Variants in MAF observed in about 807,000 individuals in gnomAD.
MAF encodes the protein transcription factor Maf.
In MAF, 10 loss-of-function variants were observed where a neutral mutation model predicts 22.0. The ratio of observed to expected loss-of-function variants is 0.45; its 90% confidence interval spans 0.28 to 0.77. MAF has a LOEUF of 0.77. Among genes scored for constraint, MAF ranks in the 30% least tolerant of loss-of-function variants. MAF has a pLI of 0.12. For synonymous variants in MAF, 337 were observed against 255.8 expected, an observed-to-expected ratio of 1.32 and a Z score of -3.03; for missense variants, 544 against 548.4, an observed-to-expected ratio of 0.99 and a Z score of 0.08.
the MAF span, among the ~76,000 whole-genome samples, chr16:79,227,101 G>C: frequency 6.6e-6 from 1 of 152,074 alleles, no homozygotes. Flanking sequence ...CCTTTGGCAG[G>C]CTAAGGCAGC....
At chr16:79,432,254 C>T in the MAF span, among the ~76,000 whole-genome samples, 1 of 152,126 alleles carries the variant, frequency 6.6e-6, no homozygotes, top group African/African-American at 2.4e-5. Flanking sequence ...TACCTTCTGC[C>T]ATGATTGTAA....
chr16:79,215,490 C>T, the MAF span, among the ~76,000 whole-genome samples: 1 of 152,146 alleles, frequency 6.6e-6, no homozygotes, highest in Non-Finnish European at 1.5e-5. Context: ...TATCATCAGC[C>T]AAGGTGCTGT....
At chr16:79,399,066 A>G in the MAF span, among the ~76,000 whole-genome samples, 1 of 152,196 alleles carries the variant, frequency 6.6e-6, no homozygotes, top group Non-Finnish European at 1.5e-5. Context: ...CAGTAGACAG[A>G]CAAGGACTGA....
chr16:79,312,457 G>T, the MAF span, among the ~76,000 whole-genome samples: 1 of 152,300 alleles, frequency 6.6e-6, no homozygotes, highest in African/African-American at 2.4e-5. Context: ...GTCTGGCTCA[G>T]TGCGAACGTC....
At chr16:79,386,629 T>C in the MAF span, among the ~76,000 whole-genome samples, 1 of 152,114 alleles carries the variant, frequency 6.6e-6, no homozygotes, top group African/African-American at 2.4e-5. Context: ...TATACACATA[T>C]ATCATTTATA....
the MAF span, among the ~76,000 whole-genome samples, chr16:79,523,304 G>C: frequency 6.6e-6 from 1 of 152,210 alleles, no homozygotes; most frequent in African/African-American, 2.4e-5. Flanking sequence ...AGGGTGAACA[G>C]AATGGATTCT....
chr16:79,372,291 G>A, the MAF span, among the ~76,000 whole-genome samples: 1 of 152,040 alleles, frequency 6.6e-6, no homozygotes, highest in Non-Finnish European at 1.5e-5. Flanking sequence ...CTTAAGAGCT[G>A]TAGGAACAAA....
chr16:79,263,752 A>T, the MAF span, among the ~76,000 whole-genome samples: 1 of 152,192 alleles, frequency 6.6e-6, no homozygotes, highest in South Asian at 2.1e-4. Context: ...ATGAGAGTTC[A>T]TTGCCAGTCA....
the MAF span, among the ~76,000 whole-genome samples, chr16:79,255,027 C>A: frequency 6.6e-6 from 1 of 152,182 alleles, no homozygotes; most frequent in Non-Finnish European, 1.5e-5. Flanking sequence ...AGCAAGCAAT[C>A]ACTCTGGATC....
the MAF span, among the ~76,000 whole-genome samples, chr16:79,472,882 T>C: frequency 6.6e-6 from 1 of 151,960 alleles, no homozygotes; most frequent in Non-Finnish European, 1.5e-5. Context: ...CATGAGTTCC[T>C]GTCCTGGAGA....
At chr16:79,391,343 G>T in the MAF span, among the ~76,000 whole-genome samples, 16 of 152,058 alleles carry the variant, frequency 1.1e-4, no homozygotes, top group African/African-American at 3.6e-4. Context: ...CTAGATTTTT[G>T]GGGGGCTTTT....
At chr16:79,349,634 G>A in the MAF span, among the ~76,000 whole-genome samples, 1 of 152,170 alleles carries the variant, frequency 6.6e-6, no homozygotes, top group Non-Finnish European at 1.5e-5. Context: ...TGTCTGTGCA[G>A]GAACCCAGAG....
chr16:79,242,059 G>C, the MAF span, among the ~76,000 whole-genome samples: 8 of 151,992 alleles, frequency 5.3e-5, no homozygotes, highest in Non-Finnish European at 1.0e-4. Context: ...ACATGGAAAG[G>C]AACAACTGGT....
the MAF span, among the ~76,000 whole-genome samples, chr16:79,295,464 G>C: frequency 2.6e-5 from 4 of 152,206 alleles, no homozygotes; most frequent in East Asian, 1.9e-4. Flanking sequence ...TGCCTTATTT[G>C]AACATGGTTT....
chr16:79,246,532 G>GT, the MAF span, among the ~76,000 whole-genome samples: 35 of 81,778 alleles, frequency 4.3e-4, no homozygotes, highest in African/African-American at 9.2e-4. Flanking sequence ...GTTTAGGCAG[G>GT]TTTTTTTTGG....
chr16:79,210,651 A>G, the MAF span, among the ~76,000 whole-genome samples: 1 of 152,174 alleles, frequency 6.6e-6, no homozygotes, highest in Non-Finnish European at 1.5e-5. Context: ...GATAAACTGT[A>G]TTGGTTTTAA....
chr16:79,300,006 C>T, the MAF span, among the ~76,000 whole-genome samples: 1 of 152,162 alleles, frequency 6.6e-6, no homozygotes, highest in Non-Finnish European at 1.5e-5. Context: ...ATTGTGCAGG[C>T]TAGGGAGCCT....
At chr16:79,360,109 C>T in the MAF span, among the ~76,000 whole-genome samples, 4 of 152,170 alleles carry the variant, frequency 2.6e-5, no homozygotes, top group East Asian at 1.9e-4. Context: ...ACACAGGGAG[C>T]TGTCCATGAG....
the MAF span, among the ~76,000 whole-genome samples, chr16:79,393,664 G>C: frequency 6.6e-6 from 1 of 152,166 alleles, no homozygotes; most frequent in Non-Finnish European, 1.5e-5. Context: ...ATTCCAGAAA[G>C]GTGGTCCATG....
Sources: gnomAD v4.1 joint callset for allele counts (sites outside exome capture counted in the v4.1 genomes callset) on GRCh38, gnomAD v4.1.1 for gene constraint, MANE v1.5 for transcripts, NCBI Gene and HGNC (gene_info 2026-07-23, HGNC 2026-07-21) for gene names.